SORT1: variants seen among roughly 807,000 people sequenced by gnomAD.
SORT1 encodes the protein sortilin.
A neutral mutation model predicts 101.7 loss-of-function variants in SORT1; 39 were observed. That is an observed-to-expected ratio of 0.38 (90% CI 0.30 to 0.50). The LOEUF (loss-of-function observed/expected upper bound fraction) is 0.50, where lower values mean the gene tolerates loss of function less well. Ranked by LOEUF, SORT1 falls within the 20% of genes least tolerant of loss-of-function variation. SORT1 has a pLI of 0.90. For missense variants in SORT1, 878 were observed against 1,040.4 expected (o/e 0.84, Z 2.15); for synonymous variants, 396 against 393.7 (o/e 1.01, Z -0.07).
At chr1:109,343,774 G>A (rs957373831) in intron 8 of SORT1, among the ~76,000 whole-genome samples, 2 of 152,090 alleles carry the variant, frequency 1.3e-5, no homozygotes, top group African/African-American at 4.8e-5. Context: ...TCAGCCTCCC[G>A]AGTAGCTGGG....
At chr1:109,343,562 T>C (rs1288369410) in intron 8 of SORT1, among the ~76,000 whole-genome samples, 3 of 152,214 alleles carry the variant, frequency 2.0e-5, no homozygotes, top group East Asian at 1.9e-4. Flanking sequence ...TCAAATACCA[T>C]AGCAATTAGG....
intron 5 of SORT1, 55 bp from the exon 6 acceptor site, chr1:109,351,057 T>C (rs1460465586): frequency 8.9e-7 from 1 of 1,120,134 alleles, no homozygotes; most frequent in Non-Finnish European, 1.4e-6. Flanking sequence ...TGTAGTTGCT[T>C]GTATGACCTT....
At chr1:109,367,225 C>T in intron 3 of SORT1, 183 bp downstream of exon 3, 1 of 500,302 alleles carries the variant, frequency 2.0e-6, no homozygotes, top group Non-Finnish European at 3.6e-6. Flanking sequence ...GAGACCCTGT[C>T]TCAAAAAACA....
intron 16 of SORT1, 68 bp downstream of exon 16, chr1:109,317,785 G>A: frequency 9.4e-7 from 1 of 1,058,316 alleles, no homozygotes; most frequent in Non-Finnish European, 1.4e-6. Context: ...TCAGTGTGGA[G>A]AGAAGCAGCT....
Position 109,318,586 on chromosome 1 carries a change from A to G in SORT1, c.2025-617T>C, listed in dbSNP as rs1463148073. ...TGATGCAGCCTGCAGAGGGGTGGAG[A>G]CTCACACAGAAACCTCAGCATCAGC... On this transcript the variant is annotated intron_variant, in intron 15 of 19. Coordinates refer to ENST00000256637, the MANE Select transcript of SORT1 (RefSeq NM_002959.7). Among the ~76,000 whole-genome samples the G allele has an allele frequency of 2.0e-5, 3 of 152,024 alleles. No individual in the cohort carries two copies. In the East Asian group the frequency reaches 5.8e-4, roughly 29 times the overall value.
intron 3 of SORT1, among the ~76,000 whole-genome samples, chr1:109,365,598 A>G (rs767113910): frequency 6.6e-6 from 1 of 152,250 alleles, no homozygotes; most frequent in South Asian, 2.1e-4. Context: ...AGTCAATCCT[A>G]TATTTAAAAA....
intron 3 of SORT1, 105 bp downstream of exon 3, chr1:109,367,303 A>T (rs1306225924): frequency 3.0e-6 from 2 of 668,430 alleles, no homozygotes; most frequent in African/African-American, 1.8e-5. Flanking sequence ...GATGGCTAGA[A>T]GATCTTTTAC....
At chr1:109,315,748 C>CA (rs1450029145) in intron 17 of SORT1, among the ~76,000 whole-genome samples, 1 of 124,732 alleles carries the variant, frequency 8.0e-6, no homozygotes, top group Non-Finnish European at 1.7e-5. Flanking sequence ...GCCTCATAAC[C>CA]TTTTTTTTTT....
At chr1:109,352,738 C>T (rs1466009623) in intron 5 of SORT1, among the ~76,000 whole-genome samples, 1 of 152,200 alleles carries the variant, frequency 6.6e-6, no homozygotes, top group Non-Finnish European at 1.5e-5. Flanking sequence ...ATTGGTCCCT[C>T]TTCTCCATCC....
chr1:109,391,628 C>T (rs1292615593), intron 1 of SORT1, among the ~76,000 whole-genome samples: 4 of 152,146 alleles, frequency 2.6e-5, no homozygotes, highest in African/African-American at 9.7e-5. Context: ...AAACAGCCTC[C>T]ATCTTTCACC....
chr1:109,326,932 A>G (rs1648118057), intron 13 of SORT1, 60 bp downstream of exon 13: 1 of 1,297,938 alleles, frequency 7.7e-7, no homozygotes, highest in Non-Finnish European at 1.0e-6. Context: ...AATAAACTGA[A>G]GAACATTCCC....
intron 9 of SORT1, among the ~76,000 whole-genome samples, chr1:109,341,439 C>T (rs1448080204): frequency 3.9e-5 from 6 of 152,102 alleles, no homozygotes; most frequent in East Asian, 1.9e-4. Context: ...CTCCACCTCC[C>T]GGGTTCATGC....
rs1395160988 is a variant in SORT1 at position 109,336,124 on chromosome 1, T to C, written c.1371+116A>G. ...TTTCATTACTCTCATCTCCAAACTT[T>C]CCACCTTATGCTGAGGACCCTAATC... is the stretch of plus-strand genomic sequence containing the variant. On this transcript the variant is annotated intron_variant, in intron 11 of 19. Transcript: ENST00000256637. 5 of 648,112 alleles carry C rather than the reference T, an allele frequency of 7.7e-6. No individual in the cohort carries two copies. In the East Asian group the frequency reaches 8.2e-5, roughly 11 times the overall value. 40.1% of individuals were successfully genotyped at this position (648,112 alleles called of 1,614,324 possible). A position where few individuals can be genotyped will look rare whatever the true frequency, so the allele number is the denominator to read the frequency against.
Position 109,369,594 on chromosome 1 carries a change from A to G in SORT1, c.307-5T>C. 7.5e-6 allele frequency: 12 copies of G among 1,595,204 alleles called. No homozygotes were observed. Among genetic ancestry groups the G allele is most frequent in the Non-Finnish European group, 9.5e-6 (11 of 1,163,318 alleles). ...TCTGAGATCATCAAACACATGCTAT[A>G]AGGGGAAAAAAAATTAATTTAGAAA... is the stretch of plus-strand genomic sequence containing the variant. On this transcript the variant is annotated splice_polypyrimidine_tract_variant and splice_region_variant and intron_variant, in intron 1 of 19. Transcript: ENST00000256637.
In SORT1 at chr1:109,397,909, C is replaced by T. The variant is rs941701005; in HGVS notation, c.-17G>A. ...CCGCTCCATCGCCGCCGAATGCCGC[C>T]GACGCCGACACCTGCCGCCCGGCGC... On this transcript the variant is annotated 5_prime_UTR_variant, in exon 1 of 20. Coordinates refer to ENST00000256637, the MANE Select transcript of SORT1 (RefSeq NM_002959.7). 3 of 1,145,800 alleles carry T rather than the reference C, an allele frequency of 2.6e-6. No individual in the cohort carries two copies. In the East Asian group the frequency reaches 1.3e-4, roughly 52 times the overall value. The allele number at this position is 1,145,800 out of a possible 1,614,324, so 71.0% of individuals were successfully genotyped here. A position where few individuals can be genotyped will look rare whatever the true frequency, so the allele number is the denominator to read the frequency against.
At chr1:109,397,471 G>A (rs563741687) in intron 1 of SORT1, 116 bp downstream of exon 1, 3 of 700,018 alleles carry the variant, frequency 4.3e-6, no homozygotes, top group Non-Finnish European at 3.6e-6. Context: ...CGGCCCGGGG[G>A]ACGCGGGCGC....
Position 109,310,321 on chromosome 1 carries a change from A to C in SORT1, c.*3722T>G, listed in dbSNP as rs1299793328. On this transcript the variant is annotated 3_prime_UTR_variant, in exon 20 of 20. Coordinates refer to ENST00000256637, the MANE Select transcript of SORT1 (RefSeq NM_002959.7). ...GTTATTATAATGCAACCTAACCAAG[A>C]AATCAACATGCTCCTGCTATTTCAA... 6.5e-6 allele frequency: 1 copy of C among 153,678 alleles called. No individual in the cohort carries two copies. Among genetic ancestry groups the C allele is most frequent in the Non-Finnish European group, 1.5e-5 (1 of 68,046 alleles). The allele number at this position is 153,678 out of a possible 1,614,324, so 9.5% of individuals were successfully genotyped here. A position where few individuals can be genotyped will look rare whatever the true frequency, so the allele number is the denominator to read the frequency against.
At chr1:109,353,771 C>T (rs1262118024) in intron 5 of SORT1, among the ~76,000 whole-genome samples, 2 of 152,062 alleles carry the variant, frequency 1.3e-5, no homozygotes, top group African/African-American at 2.4e-5. Context: ...GGGCCCTTAA[C>T]CACAGTAAAG....
chr1:109,392,366 A>C (rs2100933990), intron 1 of SORT1, among the ~76,000 whole-genome samples: 1 of 152,336 alleles, frequency 6.6e-6, no homozygotes, highest in Non-Finnish European at 1.5e-5. Context: ...AGTGCAGAAG[A>C]AACTGCTAAT....
Sources: allele counts gnomAD v4.1 joint callset (sites outside exome capture counted in the v4.1 genomes callset), GRCh38; gene constraint gnomAD v4.1.1; transcripts MANE v1.5; gene names NCBI Gene and HGNC (gene_info 2026-07-23, HGNC 2026-07-21).